PTK2: variants seen among roughly 807,000 people sequenced by gnomAD.
The protein encoded by PTK2 is focal adhesion kinase 1.
A neutral mutation model predicts 150.1 loss-of-function variants in PTK2; 45 were observed. The observed-to-expected ratio is 0.30, with a 90% CI of 0.24 to 0.38. The LOEUF (loss-of-function observed/expected upper bound fraction) is 0.38, where lower values mean the gene tolerates loss of function less well. Among genes scored for constraint, PTK2 ranks in the 10% least tolerant of loss-of-function variants. The pLI, the probability that PTK2 is intolerant of heterozygous loss-of-function variation, is 1.00. For missense variants in PTK2, 919 were observed against 1,307.3 expected (o/e 0.70, Z 4.58); for synonymous variants, 432 against 449.2 (o/e 0.96, Z 0.48).
intron 7 of PTK2, among the ~76,000 whole-genome samples, chr8:140,834,674 C>T (rs1033127342): frequency 6.6e-6 from 1 of 152,162 alleles, no homozygotes; most frequent in Non-Finnish European, 1.5e-5. Context: ...GAGATAATTA[C>T]ATAAACAACT....
chr8:140,941,762 G>A (rs2100175865), intron 1 of PTK2, among the ~76,000 whole-genome samples: 1 of 152,084 alleles, frequency 6.6e-6, no homozygotes, highest in Non-Finnish European at 1.5e-5. Flanking sequence ...CTGGGATGCA[G>A]TGGCATGATC....
rs79105874 is a variant in PTK2 at position 140,672,094 on chromosome 8, C to T, written c.2709+2204G>A. 3,831 of 439,952 alleles carry T rather than the reference C, an allele frequency of 8.7e-3. 122 individuals carry two copies. Among genetic ancestry groups the T allele is most frequent in the African/African-American group, 0.06 (2,944 of 48,960 alleles). 27.3% of individuals were successfully genotyped at this position (439,952 alleles called of 1,614,324 possible). ...TGATGTCAGAATTCTAAGGTGGTAC[C>T]GATCTACCTGTAAAGTTGGTTTTTC... On this transcript the variant is annotated intron_variant, in intron 29 of 31. Transcript: ENST00000522684.
In PTK2 at chr8:140,812,470, A is replaced by G. The variant is rs114353659; in HGVS notation, c.867+5807T>C. Among the ~76,000 whole-genome samples the G allele has an allele frequency of 8.4e-3, 1,281 of 152,362 alleles. 17 individuals carry two copies. Among genetic ancestry groups the G allele is most frequent in the African/African-American group, 0.028 (1,180 of 41,580 alleles). On this transcript the variant is annotated intron_variant, in intron 10 of 31. Coordinates refer to ENST00000522684, the Ensembl canonical transcript of PTK2. ...ACACAGACCAGTGACACTATAAAGC[A>G]AACACACAAACAAGTTTGCCTAATA...
intron 26 of PTK2, among the ~76,000 whole-genome samples, chr8:140,695,443 C>T (rs956029086): frequency 1.3e-5 from 2 of 150,442 alleles, no homozygotes; most frequent in African/African-American, 2.5e-5. Flanking sequence ...CAGAGTCTCA[C>T]TCTGTCACCC....
intron 31 of PTK2, chr8:140,663,051 C>T (rs368554804): frequency 4.5e-5 from 14 of 314,050 alleles, no homozygotes; most frequent in East Asian, 3.9e-4. Context: ...GACCCTGGAA[C>T]GTGCCCTGCA....
chr8:140,784,108 TGAGCCAA>T (rs2100083465), intron 14 of PTK2, among the ~76,000 whole-genome samples: 1 of 152,118 alleles, frequency 6.6e-6, no homozygotes, highest in African/African-American at 2.4e-5. Flanking sequence ...GAGGTTGCAG[TGAGCCAA>T]GATCACACCA....
chr8:140,804,230 T>TC (rs2100096954), intron 10 of PTK2, among the ~76,000 whole-genome samples: 2 of 150,114 alleles, frequency 1.3e-5, no homozygotes, highest in African/African-American at 2.4e-5. Context: ...GGCTTCTTCT[T>TC]TTTTTTTTTC....
intron 14 of PTK2, among the ~76,000 whole-genome samples, chr8:140,772,306 G>A (rs182682330): frequency 3.3e-5 from 5 of 152,276 alleles, no homozygotes; most frequent in East Asian, 3.9e-4. Context: ...TCACGTACCC[G>A]TGGGCCCAGC....
At chr8:140,880,819 C>A (rs1317414215) in intron 3 of PTK2, among the ~76,000 whole-genome samples, 1 of 152,156 alleles carries the variant, frequency 6.6e-6, no homozygotes, top group Non-Finnish European at 1.5e-5. Flanking sequence ...AGTATATGCA[C>A]ACTGAGGATG....
chr8:140,973,034 T>G (rs578237566), intron 1 of PTK2, among the ~76,000 whole-genome samples: 1 of 152,258 alleles, frequency 6.6e-6, no homozygotes, highest in Non-Finnish European at 1.5e-5. Flanking sequence ...CACCTGTGTG[T>G]AGAAATTCTA....
At chr8:140,665,779 C>G (rs2090670338) in intron 30 of PTK2, among the ~76,000 whole-genome samples, 1 of 152,152 alleles carries the variant, frequency 6.6e-6, no homozygotes, top group Non-Finnish European at 1.5e-5. Context: ...AAAATAGTGT[C>G]TATAAAATCA....
At chr8:140,803,520 T>C in intron 11 of PTK2, 23 bp downstream of exon 11, 1 of 1,565,482 alleles carries the variant, frequency 6.4e-7, no homozygotes, top group Non-Finnish European at 8.8e-7. Context: ...TTTCCCTTAA[T>C]GATGAACGTA....
chr8:140,971,221 T>C (rs569499468), intron 1 of PTK2, among the ~76,000 whole-genome samples: 1 of 152,212 alleles, frequency 6.6e-6, no homozygotes, highest in South Asian at 2.1e-4. Flanking sequence ...AGTAAAAATA[T>C]ATGGGGAGCA....
intron 1 of PTK2, among the ~76,000 whole-genome samples, chr8:140,927,831 T>G (rs913620173): frequency 6.7e-6 from 1 of 150,056 alleles, no homozygotes; most frequent in African/African-American, 2.5e-5. Flanking sequence ...GGCACATGCT[T>G]GTAATCCCAG....
At chr8:140,850,500 T>G (rs1282838465) in intron 5 of PTK2, among the ~76,000 whole-genome samples, 2 of 143,460 alleles carry the variant, frequency 1.4e-5, no homozygotes, top group African/African-American at 5.3e-5. Flanking sequence ...CCAAGGCGGG[T>G]AGATCACGAG....
intron 2 of PTK2, among the ~76,000 whole-genome samples, chr8:140,911,157 C>G (rs923041239): frequency 2.6e-5 from 4 of 152,002 alleles, no homozygotes; most frequent in Admixed American, 1.3e-4. Context: ...TCCCAAAGCA[C>G]TGGGATTACA....
intron 5 of PTK2, among the ~76,000 whole-genome samples, chr8:140,861,502 G>A (rs943367221): frequency 3.9e-5 from 6 of 152,118 alleles, no homozygotes; most frequent in African/African-American, 1.4e-4. Context: ...AGTGCACATA[G>A]GAAGGAAAAG....
chr8:140,780,796 T>A (rs1177940008), intron 14 of PTK2, among the ~76,000 whole-genome samples: 10 of 152,190 alleles, frequency 6.6e-5, no homozygotes, highest in Admixed American at 4.6e-4. Context: ...ATGCCTTCGA[T>A]TTGCTTTAGA....
intron 1 of PTK2, among the ~76,000 whole-genome samples, chr8:140,983,139 C>T (rs1431613547): frequency 6.6e-6 from 1 of 152,116 alleles, no homozygotes; most frequent in Non-Finnish European, 1.5e-5. Flanking sequence ...GCAATCCCAG[C>T]ACTTTGGGAG....
Sources: gnomAD v4.1 joint callset for allele counts (sites outside exome capture counted in the v4.1 genomes callset) on GRCh38, gnomAD v4.1.1 for gene constraint, MANE v1.5 for transcripts, NCBI Gene and HGNC (gene_info 2026-07-23, HGNC 2026-07-21) for gene names.